Variants in NETO1 observed in about 807,000 individuals in gnomAD.
NETO1 encodes neuropilin and tolloid-like protein 1.
Under a neutral mutation model 61.3 loss-of-function variants are expected in NETO1, and 26 were observed. The observed-to-expected ratio is 0.42, with a 90% CI of 0.31 to 0.59. NETO1 has a LOEUF of 0.59. NETO1 is among the 20% of genes least tolerant of loss of function. NETO1 has a pLI of 0.12. For missense variants in NETO1, 531 were observed against 662.8 expected, an observed-to-expected ratio of 0.80 and a Z score of 2.18; for synonymous variants, 225 against 225.8, an observed-to-expected ratio of 1.00 and a Z score of 0.03.
At chr18:72,802,843 T>A (rs572064365) in intron 4 of NETO1, among the ~76,000 whole-genome samples, 1 of 152,324 alleles carries the variant, frequency 6.6e-6, no homozygotes, top group Admixed American at 6.5e-5. Flanking sequence ...TGATGAAGCA[T>A]TAAAAACAAT....
chr18:72,804,085 C>T (rs1238787645), intron 4 of NETO1, among the ~76,000 whole-genome samples: 1 of 151,892 alleles, frequency 6.6e-6, no homozygotes, highest in Non-Finnish European at 1.5e-5. Flanking sequence ...TACCTTAACA[C>T]ATTATTGGTT....
intron 4 of NETO1, among the ~76,000 whole-genome samples, chr18:72,852,833 CTTTT>C (rs71166431): frequency 4.5e-5 from 6 of 132,270 alleles, no homozygotes; most frequent in Admixed American, 1.6e-4. Context: ...TTTTCTTTTT[CTTTT>C]TTTTTTTTTT....
At chr18:72,809,344 C>A (rs541524570) in intron 4 of NETO1, among the ~76,000 whole-genome samples, 4 of 152,008 alleles carry the variant, frequency 2.6e-5, no homozygotes, top group Middle Eastern at 3.2e-3. Flanking sequence ...TCTTAAAAAG[C>A]CACCGACGAG....
chr18:72,841,507 T>C (rs1039671277), intron 4 of NETO1, among the ~76,000 whole-genome samples: 4 of 151,246 alleles, frequency 2.6e-5, no homozygotes, highest in African/African-American at 9.7e-5. Context: ...CTGAGGCGGG[T>C]GGATCACCTG....
chr18:72,841,392 T>C (rs1430829597), intron 4 of NETO1, among the ~76,000 whole-genome samples: 1 of 131,220 alleles, frequency 7.6e-6, no homozygotes, highest in African/African-American at 2.9e-5. Context: ...CCTTGAGAAA[T>C]TGGATCAAGC....
intron 7 of NETO1, among the ~76,000 whole-genome samples, chr18:72,781,905 A>G (rs1282377954): frequency 6.6e-6 from 1 of 152,044 alleles, no homozygotes; most frequent in Non-Finnish European, 1.5e-5. Flanking sequence ...TGTAGGTAAA[A>G]TGTGTGTCAC....
rs2073552268 is a variant in NETO1, at chr18:72,830,836, C to T, written c.469+27990G>A. The stretch of plus-strand genomic sequence containing the variant: ...AAGGTTTCCGAAAGATTATGCTACA[C>T]TTATGGGTTCCAGTTGTTCACTTTT... On this transcript the variant is annotated intron_variant, in intron 4 of 10. Coordinates refer to ENST00000327305, the MANE Select transcript of NETO1 (RefSeq NM_138966.5). The surrounding 1 kb of genome is among the most constrained non-coding windows in gnomAD (Gnocchi z 4.9). Among the ~76,000 whole-genome samples the T allele has an allele frequency of 6.6e-6, 1 of 152,142 alleles. No homozygotes were observed. Among genetic ancestry groups the T allele is most frequent in the Non-Finnish European group, 1.5e-5 (1 of 68,040 alleles).
chr18:72,858,642 T>G (rs1020579954), intron 4 of NETO1, among the ~76,000 whole-genome samples, 184 bp downstream of exon 4: 2 of 152,156 alleles, frequency 1.3e-5, no homozygotes, highest in Admixed American at 1.3e-4. Context: ...ATAGGCTGTT[T>G]TAAGGAAAAC....
intron 3 of NETO1, among the ~76,000 whole-genome samples, chr18:72,862,016 C>T (rs1024554590): frequency 3.9e-5 from 6 of 152,180 alleles, no homozygotes; most frequent in Non-Finnish European, 5.9e-5. Flanking sequence ...TGGCATCGTG[C>T]GCACCTGACC....
chr18:72,865,646 G>T, intron 1 of NETO1: 2 of 1,583,728 alleles, frequency 1.3e-6, no homozygotes, highest in Non-Finnish European at 8.6e-7. Flanking sequence ...AAAAGGAGAG[G>T]CAAACAATGA....
In NETO1 at chr18:72,867,078, G is replaced by T. The variant is rs115029783; in HGVS notation, c.28+186C>A. The stretch of plus-strand genomic sequence containing the variant: ...TTTTGGGATCCGGCGACGGCTGACC[G>T]CGCGCCGCCCCCACGCCCGGTTCCA... On this transcript the variant is annotated intron_variant, in intron 1 of 10. Coordinates refer to ENST00000327305, the MANE Select transcript of NETO1 (RefSeq NM_138966.5). 3,102 of 479,304 alleles carry T rather than the reference G, an allele frequency of 6.5e-3. 90 individuals are homozygous for T. Among genetic ancestry groups the T allele is most frequent in the African/African-American group, 0.058 (2,856 of 49,494 alleles). The allele number at this position is 479,304 out of a possible 1,614,324, so 29.7% of individuals were successfully genotyped here.
At chr18:72,766,027 T>C (rs2071142076) in intron 7 of NETO1, among the ~76,000 whole-genome samples, 1 of 151,980 alleles carries the variant, frequency 6.6e-6, no homozygotes, top group Admixed American at 6.5e-5. Context: ...GTCAACATGG[T>C]GAGAACTCAT....
At chr18:72,850,552 T>C (rs972089827) in intron 4 of NETO1, among the ~76,000 whole-genome samples, 11 of 152,208 alleles carry the variant, frequency 7.2e-5, no homozygotes, top group African/African-American at 2.7e-4. Flanking sequence ...TCGTCAATAT[T>C]TTCTTAGGAA....
chr18:72,752,874 TC>T (rs1317202304), intron 8 of NETO1, among the ~76,000 whole-genome samples: 5 of 152,110 alleles, frequency 3.3e-5, no homozygotes, highest in African/African-American at 1.2e-4. Flanking sequence ...CATGATAACT[TC>T]CTGGAGCCTC....
intron 4 of NETO1, among the ~76,000 whole-genome samples, chr18:72,798,760 C>G (rs1033874865): frequency 6.6e-6 from 1 of 152,156 alleles, no homozygotes; most frequent in Non-Finnish European, 1.5e-5. Flanking sequence ...AATGATGAGA[C>G]AGCAGAAGAC....
At chr18:72,796,743 C>T (rs907235096) in intron 4 of NETO1, among the ~76,000 whole-genome samples, 4 of 152,020 alleles carry the variant, frequency 2.6e-5, no homozygotes, top group African/African-American at 7.2e-5. Context: ...GGATTACAGG[C>T]GTGAGCCACC....
chr18:72,847,623 T>C (rs541218901), intron 4 of NETO1, among the ~76,000 whole-genome samples: 4 of 152,354 alleles, frequency 2.6e-5, no homozygotes, highest in Non-Finnish European at 5.9e-5. Context: ...GGCATTCATA[T>C]AAAATCAGAT....
intron 7 of NETO1, among the ~76,000 whole-genome samples, chr18:72,772,825 CTATATATATATATA>C (rs59339805): frequency 0.018 from 748 of 40,474 alleles, 13 homozygotes; most frequent in East Asian, 0.045. Context: ...CTCTCTCTCT[CTATATATATATATA>C]TATATATATA....
At position 72,815,167 on chromosome 18, in the gene NETO1, T is replaced by A. The variant is rs116537484; in HGVS notation, c.470-20763A>T. 3.8e-3 allele frequency among the ~76,000 whole-genome samples: 583 copies of A among 152,182 alleles called. 7 individuals are homozygous for A. The highest frequency in any genetic ancestry group is 0.013 in the African/African-American group (559 of 41,520). Reference sequence around the variant, plus strand: ...CATGTGTTTAAAGAACGGAACTCAATCTCTGCTTCACACCACACAGTAAAA... The same window carrying A: ...CATGTGTTTAAAGAACGGAACTCAAACTCTGCTTCACACCACACAGTAAAA... On this transcript the variant is annotated intron_variant, in intron 4 of 10. Coordinates refer to ENST00000327305, the MANE Select transcript of NETO1 (RefSeq NM_138966.5).
Sources: gnomAD v4.1 joint callset for allele counts (sites outside exome capture counted in the v4.1 genomes callset) on GRCh38, gnomAD v4.1.1 for gene constraint, Gnocchi (gnomAD v3.1) non-coding constraint, MANE v1.5 for transcripts, NCBI Gene and HGNC (gene_info 2026-07-23, HGNC 2026-07-21) for gene names.